The following CFAP20DC variants were observed in gnomAD, a reference collection of about 807,000 sequenced individuals.
The protein encoded by CFAP20DC is protein CFAP20DC.
A neutral mutation model predicts 101.7 loss-of-function variants in CFAP20DC; 84 were observed. That is an observed-to-expected ratio of 0.83 (90% CI 0.69 to 0.99). The LOEUF (loss-of-function observed/expected upper bound fraction) is 0.99, where lower values mean the gene tolerates loss of function less well. Ranked by LOEUF, CFAP20DC falls within the 50% of genes least tolerant of loss-of-function variation. The probability of loss-of-function intolerance (pLI) is 0.00; values close to 1 mark genes in which losing one functional copy is unlikely to be tolerated. For synonymous variants in CFAP20DC, 359 were observed against 351.2 expected (o/e 1.02, Z -0.25); for missense variants, 1,007 against 970.3 (o/e 1.04, Z -0.50).
chr3:59,048,223 A>G (rs781542794), intron 1 of CFAP20DC, among the ~76,000 whole-genome samples: 27 of 152,258 alleles, frequency 1.8e-4, no homozygotes, highest in Non-Finnish European at 3.7e-4. Flanking sequence ...GGTTTGAATT[A>G]TAAACAATAT....
chr3:58,774,705 G>GTA lies in CFAP20DC; in HGVS notation c.2238-20844_2238-20843dup, dbSNP rs1230129075. On this transcript the variant is annotated intron_variant, in intron 15 of 16. Coordinates refer to ENST00000482387, the MANE Select transcript of CFAP20DC (RefSeq NM_001394063.1). Reference sequence around the variant, plus strand: ...TGAATGTGAAGTGCATCTATATACTGTATGATGAGCAAATCAGAAAATTAA... The same window carrying GTA: ...TGAATGTGAAGTGCATCTATATACTGTATATGATGAGCAAATCAGAAAATTAA... 5.3e-5 allele frequency among the ~76,000 whole-genome samples: 8 copies of GTA among 152,194 alleles called. No homozygotes were observed. In the South Asian group the frequency reaches 1.0e-3, roughly 20 times the overall value.
chr3:58,931,519 C>A (rs553455544), intron 5 of CFAP20DC, among the ~76,000 whole-genome samples: 1 of 151,298 alleles, frequency 6.6e-6, no homozygotes, highest in African/African-American at 2.4e-5. Flanking sequence ...CTGGGAGGCA[C>A]CCCCCAGTAG....
intron 14 of CFAP20DC, among the ~76,000 whole-genome samples, chr3:58,821,471 A>G (rs1172899732): frequency 6.6e-6 from 1 of 152,146 alleles, no homozygotes; most frequent in Non-Finnish European, 1.5e-5. Context: ...AACCCCATCA[A>G]AAAGTGGGCA....
At position 58,863,594 on chromosome 3, in the gene CFAP20DC, T is replaced by C. The variant is rs1326315809; in HGVS notation, c.1557A>G (p.Ser519=). 3 of 1,614,202 alleles carry C rather than the reference T, an allele frequency of 1.9e-6. No homozygotes were observed. The highest frequency in any genetic ancestry group is 3.3e-5 in the Admixed American group (2 of 60,028). The change falls in exon 12 of 17, where the codon TCA becomes TCG. Residue 519 remains serine (S), a synonymous_variant. Coordinates refer to ENST00000482387, the MANE Select transcript of CFAP20DC (RefSeq NM_001394063.1). The surrounding 1 kb of genome is among the most constrained non-coding windows in gnomAD (Gnocchi z 5.9). The part of the protein sequence containing the change: ...DNSVTSRDTQ[S]EDDFYGGDSS... The stretch of plus-strand genomic sequence containing the variant: ...TGTCGCCGCCGTAAAAATCATCCTC[T>C]GATTGGGTGTCTCTGCTTGTCACAC...
chr3:58,960,433 A>C (rs2091035286), intron 4 of CFAP20DC, among the ~76,000 whole-genome samples: 1 of 151,028 alleles, frequency 6.6e-6, no homozygotes, highest in African/African-American at 2.4e-5. Flanking sequence ...CGGAGGTTGC[A>C]GTGAGCCGAG....
rs1035425461 is a variant in CFAP20DC, at chr3:58,892,846, C to T, written c.551-8137G>A. 2.3e-4 allele frequency among the ~76,000 whole-genome samples: 35 copies of T among 152,108 alleles called. No individual in the cohort carries two copies. Among genetic ancestry groups the T allele is most frequent in the Admixed American group, 1.6e-3 (25 of 15,266 alleles). ...TTTTTTTCTCTTGCCTGATTGTCCT[C>T]GCCAGAACTTCCAATACTATATTGC... is the stretch of plus-strand genomic sequence containing the variant. On this transcript the variant is annotated intron_variant, in intron 6 of 16. Transcript: ENST00000482387. This position sits in a 1 kb window ranked among gnomAD's most constrained non-coding sequence, Gnocchi z 4.0.
At chr3:58,766,637 T>G (rs1399429520) in intron 15 of CFAP20DC, among the ~76,000 whole-genome samples, 1 of 152,224 alleles carries the variant, frequency 6.6e-6, no homozygotes, top group East Asian at 1.9e-4. Context: ...ACCAGGACCA[T>G]TACCTTAGCC....
Position 58,912,326 on chromosome 3 carries a change from T to TA in CFAP20DC, c.550+1381dup, listed in dbSNP as rs142906269. On this transcript the variant is annotated intron_variant, in intron 6 of 16. Coordinates refer to ENST00000482387, the MANE Select transcript of CFAP20DC (RefSeq NM_001394063.1). The surrounding 1 kb of genome is among the most constrained non-coding windows in gnomAD (Gnocchi z 4.4). ...GGCTTCTTATTAGCTGGGTGCCATT[T>TA]AAAAAAATGAAATCTTTCACTTTCT... is the stretch of plus-strand genomic sequence containing the variant. Among the ~76,000 whole-genome samples the TA allele has an allele frequency of 9.5e-3, 1,453 of 152,252 alleles. 25 individuals are homozygous for TA. Among genetic ancestry groups the TA allele is most frequent in the African/African-American group, 0.033 (1,364 of 41,546 alleles).
chr3:58,782,795 T>C (rs769165848), intron 15 of CFAP20DC, among the ~76,000 whole-genome samples: 1 of 152,046 alleles, frequency 6.6e-6, no homozygotes, highest in Non-Finnish European at 1.5e-5. Context: ...CAGCCCATGA[T>C]CATGGATTGG....
intron 12 of CFAP20DC, among the ~76,000 whole-genome samples, chr3:58,855,865 T>G: frequency 6.8e-6 from 1 of 146,168 alleles, no homozygotes; most frequent in African/African-American, 2.5e-5. Context: ...GGGATAGCAT[T>G]GGGAGATATA....
chr3:58,834,588 T>A (rs1252363034), intron 13 of CFAP20DC, among the ~76,000 whole-genome samples: 1 of 152,154 alleles, frequency 6.6e-6, no homozygotes, highest in African/African-American at 2.4e-5. Flanking sequence ...CAGAAAAATC[T>A]AAGCCTGGGC....
chr3:58,975,423 T>C (rs926091800), intron 4 of CFAP20DC, among the ~76,000 whole-genome samples: 3 of 152,196 alleles, frequency 2.0e-5, no homozygotes, highest in Admixed American at 6.5e-5. Context: ...GTTGGCCAAA[T>C]TATATAGCAA....
At chr3:58,743,271 G>GA (rs111687111) in intron 16 of CFAP20DC, among the ~76,000 whole-genome samples, 12,492 of 138,386 alleles carry the variant, frequency 0.09, 856 homozygotes, top group East Asian at 0.37. Flanking sequence ...GGCATGAAAT[G>GA]AAAAAAAAAA....
intron 4 of CFAP20DC, among the ~76,000 whole-genome samples, chr3:58,980,993 G>T (rs898526005): frequency 7.2e-5 from 11 of 152,126 alleles, no homozygotes; most frequent in African/African-American, 1.2e-4. Context: ...AAGCTGATAA[G>T]CAACTTCAGC....
At chr3:58,999,229 T>C (rs919710864) in intron 4 of CFAP20DC, among the ~76,000 whole-genome samples, 1 of 152,176 alleles carries the variant, frequency 6.6e-6, no homozygotes, top group African/African-American at 2.4e-5. Context: ...ATATGCTTTA[T>C]GTGGTGGAAA....
chr3:58,760,194 T>C (rs1274421264), intron 15 of CFAP20DC, among the ~76,000 whole-genome samples: 1 of 152,224 alleles, frequency 6.6e-6, no homozygotes, highest in East Asian at 1.9e-4. Flanking sequence ...TTTCTTTGTA[T>C]CCTCTTTTGT....
At chr3:58,817,522 C>A (rs1427470721) in intron 14 of CFAP20DC, among the ~76,000 whole-genome samples, 4 of 145,684 alleles carry the variant, frequency 2.7e-5, no homozygotes, top group Non-Finnish European at 4.5e-5. Context: ...ATGCGATCAA[C>A]TGGAAGAAAG....
In CFAP20DC at chr3:58,729,644, G is replaced by T. The variant is rs1469009075; in HGVS notation, c.198-12016C>A. Among the ~76,000 whole-genome samples the T allele has an allele frequency of 6.6e-6, 1 of 151,992 alleles. No homozygotes were observed. Among genetic ancestry groups the T allele is most frequent in the Non-Finnish European group, 1.5e-5 (1 of 68,002 alleles). Reference sequence around the variant, plus strand: ...CATATGGCTTTTATTTTTAATTCTGGCTTTATTTGTATTTATTTGTATAAG... The same window carrying T: ...CATATGGCTTTTATTTTTAATTCTGTCTTTATTTGTATTTATTTGTATAAG... On this transcript the variant is annotated intron_variant, in intron 3 of 3. Coordinates refer to the CFAP20DC transcript ENST00000486145. This position sits in a 1 kb window ranked among gnomAD's most constrained non-coding sequence, Gnocchi z 4.4.
At chr3:58,808,091 G>C (rs953086713) in intron 14 of CFAP20DC, among the ~76,000 whole-genome samples, 2 of 152,244 alleles carry the variant, frequency 1.3e-5, no homozygotes, top group Admixed American at 6.5e-5. Context: ...TGTATGATTG[G>C]TGTACTTGAA....
Sources: gnomAD v4.1 joint callset for allele counts (sites outside exome capture counted in the v4.1 genomes callset) on GRCh38, gnomAD v4.1.1 for gene constraint, Gnocchi (gnomAD v3.1) non-coding constraint, MANE v1.5 for transcripts, NCBI Gene and HGNC (gene_info 2026-07-23, HGNC 2026-07-21) for gene names.